CXCL13: variants seen among roughly 807,000 people sequenced by gnomAD.
The protein encoded by CXCL13 is C-X-C motif chemokine 13.
A neutral mutation model predicts 12.2 loss-of-function variants in CXCL13; 7 were observed. The observed-to-expected ratio is 0.57, with a 90% CI of 0.33 to 1.07. The LOEUF (loss-of-function observed/expected upper bound fraction) is 1.07, where lower values mean the gene tolerates loss of function less well. CXCL13 is among the 50% of genes least tolerant of loss of function. CXCL13 has a pLI of 0.04. For missense variants in CXCL13, 113 were observed against 127.4 expected, an observed-to-expected ratio of 0.89 and a Z score of 0.55; for synonymous variants, 47 against 42.4, an observed-to-expected ratio of 1.11 and a Z score of -0.42.
intron 1 of CXCL13, among the ~76,000 whole-genome samples, chr4:77,530,245 G>A (rs1165211491): frequency 6.6e-6 from 1 of 151,982 alleles, no homozygotes; most frequent in African/African-American, 2.4e-5. Context: ...CTCTTTTTTT[G>A]TTGTGTCTCT....
chr4:77,524,769 G>T (rs1477028640), intron 1 of CXCL13, among the ~76,000 whole-genome samples: 1 of 152,202 alleles, frequency 6.6e-6, no homozygotes, highest in Non-Finnish European at 1.5e-5. Context: ...AGGTACCTCA[G>T]TTGGAAATGC....
chr4:77,552,621 C>A (rs1025185182), intron 1 of CXCL13, among the ~76,000 whole-genome samples: 7 of 152,218 alleles, frequency 4.6e-5, no homozygotes, highest in African/African-American at 1.7e-4. Flanking sequence ...CAGGTCTGGA[C>A]CTACAGGTCC....
chr4:77,550,150 G>C (rs958525015), intron 1 of CXCL13, among the ~76,000 whole-genome samples: 4 of 152,206 alleles, frequency 2.6e-5, no homozygotes, highest in Admixed American at 1.3e-4. Context: ...TGCTGAGCCA[G>C]GCACAGGGTA....
chr4:77,549,180 G>T (rs970749178), intron 1 of CXCL13, among the ~76,000 whole-genome samples: 1 of 152,186 alleles, frequency 6.6e-6, no homozygotes, highest in African/African-American at 2.4e-5. Flanking sequence ...ACGGTTTTCA[G>T]CTCCGTCAGG....
intron 1 of CXCL13, among the ~76,000 whole-genome samples, chr4:77,598,470 T>C (rs1417388598): frequency 6.6e-6 from 1 of 152,128 alleles, no homozygotes; most frequent in Non-Finnish European, 1.5e-5. Context: ...TCTCACCCAC[T>C]CCAAGCCTCT....
intron 1 of CXCL13, among the ~76,000 whole-genome samples, chr4:77,520,629 GT>G (rs1229767718): frequency 6.6e-6 from 1 of 152,170 alleles, no homozygotes; most frequent in Non-Finnish European, 1.5e-5. Flanking sequence ...AGACAATGGG[GT>G]TTTCTAAATA....
intron 1 of CXCL13, among the ~76,000 whole-genome samples, chr4:77,562,489 G>T (rs1056052441): frequency 6.6e-6 from 1 of 152,080 alleles, no homozygotes; most frequent in African/African-American, 2.4e-5. Flanking sequence ...CTAGCTCAAG[G>T]TTTGTGAATG....
chr4:77,609,433 C>T (rs1180090604), intron 2 of CXCL13, among the ~76,000 whole-genome samples: 1 of 152,056 alleles, frequency 6.6e-6, no homozygotes, highest in Non-Finnish European at 1.5e-5. Flanking sequence ...CCTCCTCAGC[C>T]TCCCGAGTAG....
chr4:77,522,745 T>C (rs1646898524), intron 1 of CXCL13, among the ~76,000 whole-genome samples: 1 of 151,980 alleles, frequency 6.6e-6, no homozygotes, highest in Admixed American at 6.6e-5. Context: ...AATTTGATCC[T>C]GTCATTATGA....
chr4:77,538,030 G>C (rs11723748), intron 1 of CXCL13, among the ~76,000 whole-genome samples: 2 of 152,218 alleles, frequency 1.3e-5, no homozygotes, highest in African/African-American at 4.8e-5. Flanking sequence ...TGAGAACACA[G>C]ACAACAGAGA....
At chr4:77,521,268 T>G (rs1027883575) in intron 1 of CXCL13, among the ~76,000 whole-genome samples, 6 of 152,222 alleles carry the variant, frequency 3.9e-5, no homozygotes, top group Non-Finnish European at 8.8e-5. Context: ...TTTCTATTGA[T>G]TGTAATGATT....
At chr4:77,532,193 C>T (rs1050634090) in intron 1 of CXCL13, among the ~76,000 whole-genome samples, 20 of 152,126 alleles carry the variant, frequency 1.3e-4, no homozygotes, top group Non-Finnish European at 2.8e-4. Context: ...ACCAGTTGTT[C>T]CTTTCCATGT....
chr4:77,532,906 C>T (rs1724965029), intron 1 of CXCL13, among the ~76,000 whole-genome samples: 1 of 152,034 alleles, frequency 6.6e-6, no homozygotes, highest in South Asian at 2.1e-4. Context: ...TTAAGGAGTT[C>T]TCTGCATTGA....
intron 1 of CXCL13, among the ~76,000 whole-genome samples, chr4:77,555,773 C>T (rs1185158361): frequency 6.6e-6 from 1 of 152,056 alleles, no homozygotes; most frequent in African/African-American, 2.4e-5. Flanking sequence ...AGAACATTTA[C>T]AACTTGATAA....
chr4:77,561,999 G>A (rs887850209), intron 1 of CXCL13, among the ~76,000 whole-genome samples: 2 of 152,184 alleles, frequency 1.3e-5, no homozygotes, highest in Non-Finnish European at 2.9e-5. Context: ...GCAGTGAGGA[G>A]CTTAGCACCT....
At chr4:77,607,328 A>G (rs1238771424) in intron 1 of CXCL13, among the ~76,000 whole-genome samples, 2 of 152,078 alleles carry the variant, frequency 1.3e-5, no homozygotes, top group East Asian at 3.9e-4. Flanking sequence ...TTTGAAAGCT[A>G]ATTTTTGTTT....
chr4:77,540,424 CCTT>C (rs1725170818), intron 1 of CXCL13, among the ~76,000 whole-genome samples: 1 of 152,148 alleles, frequency 6.6e-6, no homozygotes, highest in South Asian at 2.1e-4. Context: ...CCTCCTTCCT[CCTT>C]CCTCTAGTAC....
At position 77,521,310 on chromosome 4, in the gene CXCL13, C is replaced by T. The variant is rs150948787; in HGVS notation, c.-43+9522C>T. Among the ~76,000 whole-genome samples the T allele has an allele frequency of 7.6e-3, 1,154 of 152,254 alleles. 14 individuals carry two copies. Among genetic ancestry groups the T allele is most frequent in the African/African-American group, 0.025 (1,042 of 41,552 alleles). The stretch of plus-strand genomic sequence containing the variant: ...GGAATGGTACCAGCTCCTCTTTGTA[C>T]CTCTGGTAGAATTCAGCTGTGAATC... On this transcript the variant is annotated intron_variant, in intron 1 of 4. Transcript: ENST00000286758.
chr4:77,605,042 T>G (rs1009928218), upstream of CXCL13, among the ~76,000 whole-genome samples: 2 of 152,182 alleles, frequency 1.3e-5, no homozygotes, highest in African/African-American at 4.8e-5. Context: ...CATATGTTTA[T>G]GTCAGACTGT....
Sources: gnomAD v4.1 joint callset for allele counts (sites outside exome capture counted in the v4.1 genomes callset) on GRCh38, gnomAD v4.1.1 for gene constraint, MANE v1.5 for transcripts, NCBI Gene and HGNC (gene_info 2026-07-23, HGNC 2026-07-21) for gene names.